EBF2: variants seen among roughly 807,000 people sequenced by gnomAD.
EBF2 encodes transcription factor COE2.
In EBF2, 21 loss-of-function variants were observed where a neutral mutation model predicts 72.8. The observed-to-expected ratio is 0.29, with a 90% CI of 0.20 to 0.42. The LOEUF (loss-of-function observed/expected upper bound fraction) is 0.42, where lower values mean the gene tolerates loss of function less well. EBF2 is among the 10% of genes least tolerant of loss of function. The probability of loss-of-function intolerance (pLI) is 1.00; values close to 1 mark genes in which losing one functional copy is unlikely to be tolerated. For missense variants in EBF2, 637 were observed against 731.2 expected, an observed-to-expected ratio of 0.87 and a Z score of 1.49; for synonymous variants, 299 against 274.2, an observed-to-expected ratio of 1.09 and a Z score of -0.89.
At chr8:25,992,631 G>A (rs1387181458) in intron 6 of EBF2, among the ~76,000 whole-genome samples, 2 of 151,972 alleles carry the variant, frequency 1.3e-5, no homozygotes, top group Non-Finnish European at 2.9e-5. Flanking sequence ...AGGCATGGTG[G>A]GTGGCTCACT....
intron 6 of EBF2, among the ~76,000 whole-genome samples, chr8:25,965,978 A>G (rs1299566580): frequency 6.6e-6 from 1 of 152,196 alleles, no homozygotes; most frequent in Non-Finnish European, 1.5e-5. Context: ...CTCTATGAAC[A>G]AGGAATCTCT....
chr8:25,878,694 A>G (rs1335241174), intron 10 of EBF2, among the ~76,000 whole-genome samples: 1 of 152,138 alleles, frequency 6.6e-6, no homozygotes, highest in East Asian at 1.9e-4. Context: ...CCTTGATAGC[A>G]TTTGTAATTT....
At chr8:26,040,557 G>A (rs1270504584) in intron 4 of EBF2, 59 bp downstream of exon 4, 2 of 1,514,532 alleles carry the variant, frequency 1.3e-6, no homozygotes, top group Non-Finnish European at 1.8e-6. Flanking sequence ...AACAAACTGG[G>A]GGGTTTGGGG....
At chr8:25,845,798 T>A (rs958499173) in intron 15 of EBF2, among the ~76,000 whole-genome samples, 2 of 152,324 alleles carry the variant, frequency 1.3e-5, no homozygotes, top group South Asian at 2.1e-4. Context: ...ACCTTTAAAA[T>A]CATATCTAGA....
rs574174821 is a variant in EBF2 at position 25,985,874 on chromosome 8, C to T, written c.551+47211G>A. The stretch of plus-strand genomic sequence containing the variant: ...AAAATTAGCTGGGCATGGTAGCATG[C>T]GTCTGTAGTCCCAGCTACTGGGGAG... On this transcript the variant is annotated intron_variant, in intron 6 of 15. Coordinates refer to ENST00000520164, the MANE Select transcript of EBF2 (RefSeq NM_022659.4). Among the ~76,000 whole-genome samples, 7 of 151,468 alleles carry T rather than the reference C, an allele frequency of 4.6e-5. No individual in the cohort carries two copies. The East Asian group carries it at 5.8e-4, about 13-fold the overall frequency.
intron 10 of EBF2, among the ~76,000 whole-genome samples, chr8:25,874,310 G>A (rs941698813): frequency 1.3e-5 from 2 of 152,072 alleles, no homozygotes; most frequent in African/African-American, 4.8e-5. Context: ...GTATGATTTG[G>A]GGGTGTGTGG....
chr8:26,018,728 G>A (rs762758010), intron 6 of EBF2, among the ~76,000 whole-genome samples: 11 of 151,954 alleles, frequency 7.2e-5, no homozygotes, highest in Admixed American at 2.6e-4. Flanking sequence ...AAGAAAAAGA[G>A]CACCGTGTGC....
chr8:26,020,058 A>C (rs1805181141), intron 6 of EBF2, among the ~76,000 whole-genome samples: 1 of 152,164 alleles, frequency 6.6e-6, no homozygotes, highest in Non-Finnish European at 1.5e-5. Context: ...GGATGGAGAA[A>C]GATAAGAAAG....
At chr8:25,846,757 C>G (rs537678783) in intron 15 of EBF2, among the ~76,000 whole-genome samples, 1 of 152,250 alleles carries the variant, frequency 6.6e-6, no homozygotes, top group East Asian at 1.9e-4. Context: ...GCTCATGTAA[C>G]AGCAGAGGTG....
chr8:25,918,216 A>G (rs1301384380), intron 6 of EBF2, among the ~76,000 whole-genome samples: 1 of 152,118 alleles, frequency 6.6e-6, no homozygotes, highest in Non-Finnish European at 1.5e-5. Flanking sequence ...TATCGCAACT[A>G]TGGGTTCACT....
intron 15 of EBF2, among the ~76,000 whole-genome samples, chr8:25,845,209 T>C (rs1005060955): frequency 2.0e-5 from 3 of 152,170 alleles, no homozygotes; most frequent in African/African-American, 7.2e-5. Context: ...ATCACTGGAA[T>C]AGAAGACTTC....
Position 25,887,805 on chromosome 8 carries a change from A to G in EBF2, c.882+37T>C, listed in dbSNP as rs371735611. ...TCCCAGATCAAAACAATCTTTGGGCAAAAGGAAATCAGAGTAAGCCTGTTG... is the reference window on the plus strand; with the variant it reads ...TCCCAGATCAAAACAATCTTTGGGCGAAAGGAAATCAGAGTAAGCCTGTTG... On this transcript the variant is annotated intron_variant, in intron 9 of 15. Coordinates refer to ENST00000520164, the MANE Select transcript of EBF2 (RefSeq NM_022659.4). 9 of 1,510,152 alleles carry G rather than the reference A, an allele frequency of 6.0e-6. 1 individual carries two copies. The highest frequency in any genetic ancestry group is 8.0e-6 in the Non-Finnish European group (9 of 1,125,234). The allele number at this position is 1,510,152 out of a possible 1,614,324, so 93.5% of individuals were successfully genotyped here. A position where few individuals can be genotyped will look rare whatever the true frequency, so the allele number is the denominator to read the frequency against.
intron 7 of EBF2, among the ~76,000 whole-genome samples, chr8:25,897,706 T>C (rs114684521): frequency 2.1e-3 from 316 of 152,348 alleles, no homozygotes; most frequent in African/African-American, 7.0e-3. Flanking sequence ...TCATTCTTTT[T>C]TGTGGTTGTG....
At chr8:25,931,139 C>T (rs1251681438) in intron 6 of EBF2, among the ~76,000 whole-genome samples, 1 of 152,138 alleles carries the variant, frequency 6.6e-6, no homozygotes, top group South Asian at 2.1e-4. Flanking sequence ...GAACAGCAGC[C>T]AGTGAACACT....
intron 4 of EBF2, 45 bp from the exon 5 acceptor site, chr8:26,040,146 G>C (rs970097163): frequency 1.9e-6 from 3 of 1,587,286 alleles, no homozygotes; most frequent in Non-Finnish European, 8.6e-7. Flanking sequence ...GGAGAGGGGT[G>C]GGGGGCAAGG....
chr8:25,917,912 C>A (rs529072210), intron 6 of EBF2, among the ~76,000 whole-genome samples: 2 of 152,296 alleles, frequency 1.3e-5, no homozygotes, highest in South Asian at 2.1e-4. Flanking sequence ...AAACTCTCTA[C>A]CCTACCATTA....
intron 13 of EBF2, 91 bp downstream of exon 13, chr8:25,860,958 G>T: frequency 7.1e-7 from 1 of 1,404,208 alleles, no homozygotes; most frequent in Non-Finnish European, 1.0e-6. Context: ...CACTCTGTTG[G>T]ACCATTATGA....
intron 7 of EBF2, 127 bp from the exon 8 acceptor site, chr8:25,889,996 G>T: frequency 1.3e-6 from 1 of 750,496 alleles, no homozygotes; most frequent in Non-Finnish European, 2.3e-6. Context: ...ACAGAACTTG[G>T]GACTCAACAG....
intron 5 of EBF2, among the ~76,000 whole-genome samples, chr8:26,036,404 CA>C (rs1379117351): frequency 2.0e-5 from 3 of 152,068 alleles, no homozygotes; most frequent in Non-Finnish European, 4.4e-5. Context: ...ATATTCAGCA[CA>C]AAACATACAT....
Sources: gnomAD v4.1 joint callset for allele counts (sites outside exome capture counted in the v4.1 genomes callset) on GRCh38, gnomAD v4.1.1 for gene constraint, MANE v1.5 for transcripts, NCBI Gene and HGNC (gene_info 2026-07-23, HGNC 2026-07-21) for gene names.